The following COL11A1 variants were observed in gnomAD, a reference collection of about 807,000 sequenced individuals.
COL11A1 encodes collagen alpha-1(XI) chain.
A neutral mutation model predicts 265.2 loss-of-function variants in COL11A1; 74 were observed. The ratio of observed to expected loss-of-function variants is 0.28; its 90% confidence interval spans 0.23 to 0.34. COL11A1 has a LOEUF of 0.34. Ranked by LOEUF, COL11A1 falls within the 10% of genes least tolerant of loss-of-function variation. COL11A1 has a pLI of 1.00. For missense variants in COL11A1, 2,165 were observed against 2,263.6 expected, an observed-to-expected ratio of 0.96 and a Z score of 0.88; for synonymous variants, 816 against 727.6, an observed-to-expected ratio of 1.12 and a Z score of -1.96.
intron 48 of COL11A1, among the ~76,000 whole-genome samples, chr1:102,921,096 C>T (rs1570734027): frequency 1.3e-5 from 2 of 152,178 alleles, no homozygotes; most frequent in South Asian, 4.2e-4. Flanking sequence ...AAAGGGTGCA[C>T]CTATCACGCA....
At chr1:103,058,834 C>T (rs1670437282) in intron 4 of COL11A1, among the ~76,000 whole-genome samples, 1 of 152,048 alleles carries the variant, frequency 6.6e-6, no homozygotes, top group Non-Finnish European at 1.5e-5. Context: ...GTCTCTGTAA[C>T]TTATTTTGGT....
intron 13 of COL11A1, 97 bp from the exon 14 acceptor site, chr1:103,012,566 G>T: frequency 2.3e-6 from 2 of 853,776 alleles, no homozygotes; most frequent in Admixed American, 1.9e-5. Flanking sequence ...AGTAATACAT[G>T]ATCAACACAG....
chr1:102,995,645 T>C (rs1449920329), intron 28 of COL11A1, among the ~76,000 whole-genome samples: 2 of 152,054 alleles, frequency 1.3e-5, no homozygotes, highest in Non-Finnish European at 2.9e-5. Flanking sequence ...ATTAATTCTC[T>C]TAGGTAACAT....
At chr1:102,920,264 G>A (rs1327452265) in intron 49 of COL11A1, 47 bp downstream of exon 49, 2 of 1,532,508 alleles carry the variant, frequency 1.3e-6, no homozygotes, top group Admixed American at 1.7e-5. Context: ...TATTATTACA[G>A]TTCTTAATTC....
At chr1:102,914,640 C>G in intron 51 of COL11A1, 64 bp downstream of exon 51, 1 of 1,278,746 alleles carries the variant, frequency 7.8e-7, no homozygotes, top group Non-Finnish European at 1.1e-6. Flanking sequence ...TCAAATCTTT[C>G]TAAGAAAAGC....
intron 4 of COL11A1, among the ~76,000 whole-genome samples, chr1:103,038,554 G>A (rs1231343715): frequency 6.6e-6 from 1 of 152,130 alleles, no homozygotes; most frequent in African/African-American, 2.4e-5. Context: ...TGATGATAAA[G>A]AGTGAGGGTA....
rs964718265 is a variant in COL11A1 at position 103,074,876 on chromosome 1, A to G, written c.489-96T>C. On this transcript the variant is annotated intron_variant, in intron 3 of 66. Transcript: ENST00000370096. Reference sequence around the variant, plus strand: ...AATGCTGTGTATTTTAAATTATAAAAATGAGCTAAAATCATACAAAAAATG... The same window carrying G: ...AATGCTGTGTATTTTAAATTATAAAGATGAGCTAAAATCATACAAAAAATG... 20 of 1,376,458 alleles carry G rather than the reference A, an allele frequency of 1.5e-5. No individual in the cohort carries two copies. The Admixed American group carries it at 3.4e-4, about 23-fold the overall frequency. 85.3% of individuals were successfully genotyped at this position (1,376,458 alleles called of 1,614,324 possible). A position where few individuals can be genotyped will look rare whatever the true frequency, so the allele number is the denominator to read the frequency against.
At chr1:103,053,015 G>A (rs1669953089) in intron 4 of COL11A1, among the ~76,000 whole-genome samples, 1 of 152,036 alleles carries the variant, frequency 6.6e-6, no homozygotes, top group Non-Finnish European at 1.5e-5. Context: ...CTTAAAAGGG[G>A]GAAATAAAAC....
chr1:102,920,990 T>C (rs1655927182), intron 48 of COL11A1, among the ~76,000 whole-genome samples: 3 of 152,162 alleles, frequency 2.0e-5, no homozygotes, highest in Admixed American at 6.5e-5. Flanking sequence ...GTAAGATAAA[T>C]ATGGCATTAT....
At chr1:102,908,902 G>A (rs1654315593) in intron 54 of COL11A1, among the ~76,000 whole-genome samples, 1 of 152,090 alleles carries the variant, frequency 6.6e-6, no homozygotes, top group Non-Finnish European at 1.5e-5. Context: ...TGGCAGGAAT[G>A]AGAGTAACAT....
intron 31 of COL11A1, chr1:102,979,681 C>G (rs933185427): frequency 3.6e-6 from 2 of 549,136 alleles, no homozygotes; most frequent in Non-Finnish European, 6.6e-6. Context: ...ATGAATTAAT[C>G]AAGTATTATT....
At chr1:103,030,515 T>A (rs912574308) in intron 5 of COL11A1, among the ~76,000 whole-genome samples, 1 of 151,870 alleles carries the variant, frequency 6.6e-6, no homozygotes, top group Non-Finnish European at 1.5e-5. Flanking sequence ...TTCAAATTTC[T>A]ACTTCCTTTT....
rs959850700 is a variant in COL11A1, at chr1:103,078,559, C to T, written c.488+99G>A. Reference sequence around the variant, plus strand: ...TTGCTCATTTATTTATCACCAGCCTCTAGAAAAACCTTATCACACTTCATA... The same window carrying T: ...TTGCTCATTTATTTATCACCAGCCTTTAGAAAAACCTTATCACACTTCATA... On this transcript the variant is annotated intron_variant, in intron 3 of 66. Transcript: ENST00000370096. 4.4e-6 allele frequency: 5 copies of T among 1,137,932 alleles called. No individual in the cohort carries two copies. In the African/African-American group the frequency reaches 7.7e-5, roughly 18 times the overall value. The allele number at this position is 1,137,932 out of a possible 1,614,324, so 70.5% of individuals were successfully genotyped here. A position where few individuals can be genotyped will look rare whatever the true frequency, so the allele number is the denominator to read the frequency against.
At chr1:102,929,295 C>T (rs1375164476) in intron 46 of COL11A1, among the ~76,000 whole-genome samples, 10 of 151,980 alleles carry the variant, frequency 6.6e-5, no homozygotes, top group Admixed American at 6.6e-4. Flanking sequence ...GATCCATTTT[C>T]AGCTTTCTAC....
intron 4 of COL11A1, among the ~76,000 whole-genome samples, chr1:103,061,254 A>G (rs1339760901): frequency 6.6e-6 from 1 of 152,198 alleles, no homozygotes; most frequent in Non-Finnish European, 1.5e-5. Flanking sequence ...TACATGAAGC[A>G]AAATCTAATA....
intron 4 of COL11A1, among the ~76,000 whole-genome samples, chr1:103,059,412 TA>T (rs113458421): frequency 2.0e-5 from 3 of 150,922 alleles, no homozygotes; most frequent in South Asian, 2.1e-4. Context: ...AAGGGCTTAT[TA>T]AAAAAAAACA....
chr1:103,000,935 A>G, intron 24 of COL11A1: 1 of 372,578 alleles, frequency 2.7e-6, no homozygotes, highest in Non-Finnish European at 4.8e-6. Flanking sequence ...ATAAGGAGCA[A>G]AGTACTAATA....
In COL11A1 at chr1:102,961,635, T is replaced by C. The variant is rs866200216; in HGVS notation, c.3168+231A>G. 83 of 474,524 alleles carry C rather than the reference T, an allele frequency of 1.7e-4. 1 individual carries two copies. In the Middle Eastern group the frequency reaches 3.7e-3, roughly 21 times the overall value. 29.4% of individuals were successfully genotyped at this position (474,524 alleles called of 1,614,324 possible). On this transcript the variant is annotated intron_variant, in intron 41 of 66. Transcript: ENST00000370096. ...CTTGGGAACCGTAAGAAGCAAGATATCTCCTTTTACCTCCTGACAGCAGCA... is the reference window on the plus strand; with the variant it reads ...CTTGGGAACCGTAAGAAGCAAGATACCTCCTTTTACCTCCTGACAGCAGCA...
intron 28 of COL11A1, among the ~76,000 whole-genome samples, chr1:102,993,800 A>C (rs1436865761): frequency 6.6e-6 from 1 of 152,100 alleles, no homozygotes; most frequent in Non-Finnish European, 1.5e-5. Flanking sequence ...TAGCCACCCA[A>C]AGTGTTGGGA....
Sources: allele counts gnomAD v4.1 joint callset (sites outside exome capture counted in the v4.1 genomes callset), GRCh38; gene constraint gnomAD v4.1.1; transcripts MANE v1.5; gene names NCBI Gene and HGNC (gene_info 2026-07-23, HGNC 2026-07-21).